Variants in SCAMP1 observed in about 807,000 individuals in gnomAD.
The protein encoded by SCAMP1 is secretory carrier membrane protein 1.
SCAMP1 carries 15 observed loss-of-function variants against 41.8 expected under a neutral mutation model. That is an observed-to-expected ratio of 0.36 (90% CI 0.24 to 0.55). The LOEUF is 0.55. Ranked by LOEUF, SCAMP1 falls within the 20% of genes least tolerant of loss-of-function variation. The pLI is 0.86. For synonymous variants in SCAMP1, 135 were observed against 136.8 expected (o/e 0.99, Z 0.09); for missense variants, 341 against 412.6 (o/e 0.83, Z 1.50).
Position 78,459,327 on chromosome 5 carries a change from G to T in SCAMP1, c.817G>T (p.Ala273Ser). ...MMIIIAALFT[A>S]SAVISLVMFK... is the part of the protein sequence containing the mutation. ...GATAATCATAGCAGCACTTTTCACAGCATCAGCAGTCATCTCACTAGTTAT... is the reference window on the plus strand; with the variant it reads ...GATAATCATAGCAGCACTTTTCACATCATCAGCAGTCATCTCACTAGTTAT... The change falls in exon 8 of 9, where the codon GCA becomes TCA. Residue 273 changes from alanine to serine, a missense_variant. By Grantham distance (99) the Ala-to-Ser change is moderately conservative. Coordinates refer to ENST00000621999, the MANE Select transcript of SCAMP1 (RefSeq NM_004866.6). The T allele has an allele frequency of 6.3e-7, 1 of 1,599,940 alleles. No individual in the cohort carries two copies. The highest frequency in any genetic ancestry group is 2.2e-5 in the East Asian group (1 of 44,682).
chr5:78,470,539 A>G (rs781778193), intron 8 of SCAMP1, among the ~76,000 whole-genome samples: 3 of 152,148 alleles, frequency 2.0e-5, no homozygotes, highest in African/African-American at 7.2e-5. Context: ...TTGTATCTGT[A>G]TACTACATTG....
intron 2 of SCAMP1, among the ~76,000 whole-genome samples, chr5:78,389,408 C>T (rs908492302): frequency 2.0e-5 from 3 of 151,880 alleles, no homozygotes; most frequent in African/African-American, 7.3e-5. Flanking sequence ...CATATTTTTC[C>T]CCTCAAAATT....
intron 8 of SCAMP1, among the ~76,000 whole-genome samples, chr5:78,463,087 G>A (rs1313049949): frequency 6.6e-6 from 1 of 152,084 alleles, no homozygotes; most frequent in Non-Finnish European, 1.5e-5. Context: ...CCCTACGAAG[G>A]TTAGACTGTG....
intron 4 of SCAMP1, among the ~76,000 whole-genome samples, chr5:78,418,281 T>C (rs1253030873): frequency 2.0e-5 from 3 of 152,170 alleles, no homozygotes; most frequent in Non-Finnish European, 4.4e-5. Flanking sequence ...GGTTTAATCT[T>C]GGACTTAACA....
Position 78,479,288 on chromosome 5 carries a change from T to TA in SCAMP1, c.*3627dup, listed in dbSNP as rs201263614. Among the ~76,000 whole-genome samples the TA allele has an allele frequency of 0.019, 2,872 of 152,246 alleles. 146 individuals are homozygous for TA. Among genetic ancestry groups the TA allele is most frequent in the Admixed American group, 0.12 (1,764 of 15,276 alleles). On this transcript the variant is annotated 3_prime_UTR_variant, in exon 9 of 9. Coordinates refer to ENST00000621999, the MANE Select transcript of SCAMP1 (RefSeq NM_004866.6). ...GAGATGAAATAAGATTGGTTAATTT[T>TA]AAAAAAATTGAGGATGGTTAAAAAA... is the stretch of plus-strand genomic sequence containing the variant.
At position 78,364,785 on chromosome 5, in the gene SCAMP1, A is replaced by T. The variant is rs150117034; in HGVS notation, c.57+4057A>T. Among the ~76,000 whole-genome samples, 569 of 150,604 alleles carry T rather than the reference A, an allele frequency of 3.8e-3. 2 individuals carry two copies. Among genetic ancestry groups the T allele is most frequent in the Middle Eastern group, 0.01 (3 of 292 alleles). On this transcript the variant is annotated intron_variant, in intron 1 of 8. Coordinates refer to ENST00000621999, the MANE Select transcript of SCAMP1 (RefSeq NM_004866.6). ...TGGAAAGTTACTTAACCTCTTTCAG[A>T]CTCAGTTTACTCATCGCGTGTTCTC...
chr5:78,388,022 G>A (rs575169485), intron 1 of SCAMP1, among the ~76,000 whole-genome samples: 4 of 152,138 alleles, frequency 2.6e-5, no homozygotes, highest in East Asian at 1.9e-4. Context: ...CTTTGTCTTC[G>A]GCGTTCCTCG....
At chr5:78,413,147 T>G (rs921242176) in intron 2 of SCAMP1, among the ~76,000 whole-genome samples, 2 of 150,964 alleles carry the variant, frequency 1.3e-5, no homozygotes, top group Admixed American at 6.6e-5. Flanking sequence ...GTAAGAAATG[T>G]TTTTTTTTCC....
intron 2 of SCAMP1, among the ~76,000 whole-genome samples, chr5:78,394,035 C>G (rs1231924098): frequency 6.6e-6 from 1 of 152,100 alleles, no homozygotes; most frequent in Admixed American, 6.5e-5. Context: ...TAGGGATTGT[C>G]TGCCTGGTTC....
chr5:78,472,761 T>C (rs929296970), intron 8 of SCAMP1, among the ~76,000 whole-genome samples: 5 of 152,142 alleles, frequency 3.3e-5, no homozygotes, highest in African/African-American at 1.2e-4. Context: ...GTGAATTACA[T>C]TTTAGTAAAC....
chr5:78,446,400 CATT>C (rs1319363900), intron 6 of SCAMP1, among the ~76,000 whole-genome samples: 9 of 152,072 alleles, frequency 5.9e-5, no homozygotes, highest in African/African-American at 2.2e-4. Flanking sequence ...AGGCTGTAGA[CATT>C]ATTCAGCCCC....
At chr5:78,374,040 G>C (rs1035522197) in intron 1 of SCAMP1, among the ~76,000 whole-genome samples, 1 of 152,084 alleles carries the variant, frequency 6.6e-6, no homozygotes, top group Admixed American at 6.6e-5. Flanking sequence ...GATGGAGTAA[G>C]AGTAGGTTAT....
chr5:78,446,742 A>T (rs192440704), intron 6 of SCAMP1, among the ~76,000 whole-genome samples: 3 of 152,278 alleles, frequency 2.0e-5, no homozygotes, highest in Admixed American at 2.0e-4. Context: ...ATTTTTTCTC[A>T]GCTGTATGGT....
chr5:78,402,048 A>G (rs1751813028), intron 2 of SCAMP1, among the ~76,000 whole-genome samples: 1 of 152,066 alleles, frequency 6.6e-6, no homozygotes, highest in Admixed American at 6.6e-5. Flanking sequence ...AGCTCAAAAT[A>G]CTTTAAAATT....
chr5:78,388,999 C>G, intron 2 of SCAMP1, 85 bp downstream of exon 2: 2 of 664,688 alleles, frequency 3.0e-6, no homozygotes, highest in East Asian at 3.0e-5. Context: ...TAGTGGATTG[C>G]TTACACTTAA....
chr5:78,458,458 C>G (rs1323990063), intron 7 of SCAMP1, among the ~76,000 whole-genome samples: 3 of 152,142 alleles, frequency 2.0e-5, no homozygotes, highest in Admixed American at 2.0e-4. Context: ...TGTCTTTTAT[C>G]CATTTTCTTA....
At chr5:78,412,875 A>C (rs578027704) in intron 2 of SCAMP1, among the ~76,000 whole-genome samples, 1 of 152,290 alleles carries the variant, frequency 6.6e-6, no homozygotes, top group East Asian at 1.9e-4. Flanking sequence ...GTGTAATTAA[A>C]TTCGTCAATT....
chr5:78,375,826 T>G (rs1751050773), intron 1 of SCAMP1, among the ~76,000 whole-genome samples: 1 of 152,190 alleles, frequency 6.6e-6, no homozygotes, highest in African/African-American at 2.4e-5. Context: ...TATGAGCCAG[T>G]CTTGAATAAG....
chr5:78,412,433 AC>A (rs1161691875), intron 2 of SCAMP1, among the ~76,000 whole-genome samples: 1 of 151,910 alleles, frequency 6.6e-6, no homozygotes, highest in Non-Finnish European at 1.5e-5. Context: ...CTTTTGAGAT[AC>A]AGGGATTTTG....
Sources: allele counts gnomAD v4.1 joint callset (sites outside exome capture counted in the v4.1 genomes callset), GRCh38; gene constraint gnomAD v4.1.1; transcripts MANE v1.5; gene names NCBI Gene and HGNC (gene_info 2026-07-23, HGNC 2026-07-21).